The following TTC39C variants were observed in gnomAD, a reference collection of about 807,000 sequenced individuals.
TTC39C encodes tetratricopeptide repeat protein 39C.
Under a neutral mutation model 76.3 loss-of-function variants are expected in TTC39C, and 33 were observed. That is an observed-to-expected ratio of 0.43 (90% CI 0.33 to 0.58). The LOEUF is 0.58. TTC39C is among the 20% of genes least tolerant of loss of function. The pLI is 0.04. For missense variants in TTC39C, 595 were observed against 701.4 expected, an observed-to-expected ratio of 0.85 and a Z score of 1.71; for synonymous variants, 254 against 260.6, an observed-to-expected ratio of 0.97 and a Z score of 0.24.
chr18:24,019,776 G>C, intron 1 of TTC39C: 1 of 1,094,904 alleles, frequency 9.1e-7, no homozygotes, highest in Non-Finnish European at 1.3e-6. Flanking sequence ...GTGGTTGCTT[G>C]TGCACTACAC....
At chr18:24,052,062 T>C (rs2083958097) in intron 1 of TTC39C, among the ~76,000 whole-genome samples, 1 of 152,128 alleles carries the variant, frequency 6.6e-6, no homozygotes, top group Non-Finnish European at 1.5e-5. Flanking sequence ...TAGAGAGTGA[T>C]TGGAGACATA....
chr18:24,106,417 CAGTT>C (rs768141536), intron 6 of TTC39C, among the ~76,000 whole-genome samples: 31 of 145,042 alleles, frequency 2.1e-4, no homozygotes, highest in Non-Finnish European at 3.9e-4. Flanking sequence ...GAGAAAGAAT[CAGTT>C]AGCACTCTCA....
chr18:24,100,649 T>C (rs1406897633), intron 6 of TTC39C, among the ~76,000 whole-genome samples: 2 of 152,234 alleles, frequency 1.3e-5, no homozygotes, highest in South Asian at 2.1e-4. Context: ...GTGTGTGGCA[T>C]TGTAGAGAGA....
chr18:24,072,159 A>G (rs1469112928), intron 4 of TTC39C, among the ~76,000 whole-genome samples: 1 of 151,920 alleles, frequency 6.6e-6, no homozygotes, highest in African/African-American at 2.4e-5. Flanking sequence ...AAAAAAACAA[A>G]GCTCCTTGTT....
At chr18:24,091,209 C>G (rs1488712412) in intron 6 of TTC39C, among the ~76,000 whole-genome samples, 1 of 152,206 alleles carries the variant, frequency 6.6e-6, no homozygotes, top group Non-Finnish European at 1.5e-5. Flanking sequence ...TCCCAGCACT[C>G]TGGGAGGCCA....
At chr18:24,000,269 C>G (rs1336690279) in intron 1 of TTC39C, 1 of 152,138 alleles carries the variant, frequency 6.6e-6, no homozygotes, top group Non-Finnish European at 1.5e-5. Context: ...AAAACAAGGT[C>G]ATTAGCATGG....
intron 6 of TTC39C, among the ~76,000 whole-genome samples, chr18:24,109,882 T>C (rs1331226778): frequency 1.3e-5 from 2 of 152,046 alleles, no homozygotes; most frequent in African/African-American, 4.8e-5. Context: ...GGTGCACACC[T>C]GTAATCCCAG....
At chr18:24,073,944 G>A (rs1001056424) in intron 4 of TTC39C, among the ~76,000 whole-genome samples, 1 of 152,206 alleles carries the variant, frequency 6.6e-6, no homozygotes, top group Non-Finnish European at 1.5e-5. Flanking sequence ...CCCCTTGAGG[G>A]CAGGGACTGT....
rs373960828 is a variant in TTC39C, at chr18:24,035,550, C to T, written c.167+20512C>T. ...TAGTGATATTGAGCATCTGTTCATG[C>T]GCTTGTTGGTCATTTGTATATATTC... On this transcript the variant is annotated intron_variant, in intron 1 of 13. Transcript: ENST00000317571. 1.6e-4 allele frequency among the ~76,000 whole-genome samples: 24 copies of T among 152,190 alleles called. No individual in the cohort carries two copies. In the South Asian group the frequency reaches 3.3e-3, roughly 21 times the overall value.
At chr18:24,032,766 A>G (rs2083686271) in intron 1 of TTC39C, among the ~76,000 whole-genome samples, 1 of 152,194 alleles carries the variant, frequency 6.6e-6, no homozygotes, top group Admixed American at 6.5e-5. Flanking sequence ...CCCAACCTGT[A>G]TTTTAAAATG....
intron 1 of TTC39C, among the ~76,000 whole-genome samples, chr18:24,053,226 C>A (rs2083974773): frequency 6.6e-6 from 1 of 152,238 alleles, no homozygotes; most frequent in African/African-American, 2.4e-5. Context: ...TGGCCACCGT[C>A]TGAGGGAATA....
rs142506978 is a variant in TTC39C, at chr18:24,061,700, C to T, written c.168-2440C>T. On this transcript the variant is annotated intron_variant, in intron 1 of 13. Coordinates refer to ENST00000317571, the MANE Select transcript of TTC39C (RefSeq NM_001135993.2). ...GGGCAGATCACTTGAGGAAGGAGCT[C>T]GAGACCAGCCTGCTCAATATAGTGA... 3.0e-3 allele frequency among the ~76,000 whole-genome samples: 449 copies of T among 151,518 alleles called. 1 individual carries two copies. The highest frequency in any genetic ancestry group is 0.01 in the Middle Eastern group (3 of 286).
intron 1 of TTC39C, among the ~76,000 whole-genome samples, chr18:24,059,935 G>A (rs909712797): frequency 1.3e-5 from 2 of 152,174 alleles, no homozygotes; most frequent in Non-Finnish European, 2.9e-5. Context: ...GAGAGAATGA[G>A]AGCCAGGTGA....
intron 8 of TTC39C, among the ~76,000 whole-genome samples, chr18:24,119,965 C>CG (rs1391759795): frequency 1.2e-5 from 1 of 83,202 alleles, no homozygotes; most frequent in Non-Finnish European, 2.1e-5. Context: ...ACATTAATTC[C>CG]CCCCCCCCAA....
chr18:24,023,817 ATTCCCCTTTT>A (rs771523524), intron 1 of TTC39C, among the ~76,000 whole-genome samples: 1 of 1,286 alleles, frequency 7.8e-4, no homozygotes, highest in African/African-American at 8.7e-4. Flanking sequence ...TTTGCTAACA[ATTCCCCTTTT>A]ATGATTGTAA....
At chr18:24,079,885 T>C (rs978478384) in intron 4 of TTC39C, among the ~76,000 whole-genome samples, 1 of 151,244 alleles carries the variant, frequency 6.6e-6, no homozygotes, top group Admixed American at 6.6e-5. Context: ...CACTGCAGCC[T>C]TGACCTCTCA....
At chr18:24,088,643 C>T (rs2084476898) in intron 6 of TTC39C, among the ~76,000 whole-genome samples, 1 of 152,192 alleles carries the variant, frequency 6.6e-6, no homozygotes. Flanking sequence ...TCTGTTGTGT[C>T]CTCCCCTTCC....
At chr18:24,033,107 G>A (rs758350989) in intron 1 of TTC39C, among the ~76,000 whole-genome samples, 3 of 152,102 alleles carry the variant, frequency 2.0e-5, no homozygotes, top group Non-Finnish European at 2.9e-5. Context: ...ACAAAAATTC[G>A]CTGGGCCTGG....
chr18:24,100,622 C>G (rs1290636329), intron 6 of TTC39C, among the ~76,000 whole-genome samples: 1 of 152,168 alleles, frequency 6.6e-6, no homozygotes, highest in East Asian at 1.9e-4. Context: ...CATAGGGCTT[C>G]CGAGCTTCAG....
Sources: gnomAD v4.1 joint callset for allele counts (sites outside exome capture counted in the v4.1 genomes callset) on GRCh38, gnomAD v4.1.1 for gene constraint, MANE v1.5 for transcripts, NCBI Gene and HGNC (gene_info 2026-07-23, HGNC 2026-07-21) for gene names.